KSR2: variants seen among roughly 807,000 people sequenced by gnomAD.
KSR2 encodes kinase suppressor of ras 2.
Under a neutral mutation model 107.8 loss-of-function variants are expected in KSR2, and 25 were observed. The ratio of observed to expected loss-of-function variants is 0.23; its 90% CI spans 0.17 to 0.32. The LOEUF is 0.32. Ranked by LOEUF, KSR2 falls within the 10% of genes least tolerant of loss-of-function variation. KSR2 has a pLI of 1.00. For missense variants in KSR2, 887 were observed against 1,268.9 expected (o/e 0.70, Z 4.57); for synonymous variants, 480 against 507.0 (o/e 0.95, Z 0.71).
intron 1 of KSR2, among the ~76,000 whole-genome samples, chr12:117,916,636 C>A (rs1009722920): frequency 2.6e-5 from 4 of 152,086 alleles, no homozygotes; most frequent in Non-Finnish European, 5.9e-5. Context: ...ACATTTAATA[C>A]TTGGTTCTAA....
chr12:117,792,362 G>A (rs916009448), intron 3 of KSR2, among the ~76,000 whole-genome samples: 1 of 142,634 alleles, frequency 7.0e-6, no homozygotes, highest in Admixed American at 6.9e-5. Flanking sequence ...AAAAAAAAAA[G>A]AAGAAGAAGA....
chr12:117,852,433 T>A (rs12581772), intron 3 of KSR2, among the ~76,000 whole-genome samples: 60,990 of 150,678 alleles, frequency 0.4, 12,695 homozygotes, highest in Middle Eastern at 0.52. Context: ...TGTCTCAAAA[T>A]AAATAAATAA....
At chr12:117,638,745 G>T (rs950283990) in intron 5 of KSR2, among the ~76,000 whole-genome samples, 1 of 152,010 alleles carries the variant, frequency 6.6e-6, no homozygotes, top group Non-Finnish European at 1.5e-5. Flanking sequence ...TGTGATATTC[G>T]ATTTCTCAAG....
chr12:117,656,168 T>C (rs753278100), intron 5 of KSR2, among the ~76,000 whole-genome samples: 17 of 152,260 alleles, frequency 1.1e-4, no homozygotes, highest in Non-Finnish European at 1.8e-4. Flanking sequence ...TGTGTACGTA[T>C]ACCCTTGTAC....
intron 4 of KSR2, among the ~76,000 whole-genome samples, chr12:117,730,865 C>T (rs1237081552): frequency 6.6e-6 from 1 of 152,198 alleles, no homozygotes; most frequent in Admixed American, 6.5e-5. Context: ...CTACAACCTC[C>T]ACCTCCCAGC....
intron 4 of KSR2, among the ~76,000 whole-genome samples, chr12:117,729,487 C>T (rs1376940904): frequency 6.6e-6 from 1 of 152,112 alleles, no homozygotes; most frequent in Non-Finnish European, 1.5e-5. Flanking sequence ...CATTACTCTG[C>T]CTGGCAGGAT....
chr12:117,640,982 CT>C (rs1172305993), intron 5 of KSR2, among the ~76,000 whole-genome samples: 35 of 151,824 alleles, frequency 2.3e-4, no homozygotes, highest in Non-Finnish European at 3.4e-4. Flanking sequence ...AGACATGCCC[CT>C]GATAGACACT....
chr12:117,645,821 C>T (rs1883593508), intron 5 of KSR2, among the ~76,000 whole-genome samples: 4 of 151,758 alleles, frequency 2.6e-5, no homozygotes, highest in Non-Finnish European at 4.4e-5. Flanking sequence ...ATTCCGAATA[C>T]AGCACTGAAA....
In KSR2 at chr12:117,761,198, T is replaced by C; in HGVS notation, c.799A>G (p.Ile267Val). The stretch of plus-strand genomic sequence containing the variant: ...CCCGGCGGGGTCACGGTGGTGACGA[T>C]GTTGGGGGTGCGCGGCGGGGTGCGG... ...AVRTPPRTPN[I>V]VTTVTPPGTP... Residue 267 changes from isoleucine to valine, a missense_variant, in exon 4 of 20, where the codon ATC becomes GTC. Coordinates refer to ENST00000339824, the MANE Select transcript of KSR2 (RefSeq NM_173598.6). The C allele has an allele frequency of 3.8e-6, 6 of 1,582,794 alleles. No homozygotes were observed. Among genetic ancestry groups the C allele is most frequent in the Non-Finnish European group, 5.2e-6 (6 of 1,163,486 alleles).
At chr12:117,697,106 G>A (rs1886096142) in intron 4 of KSR2, among the ~76,000 whole-genome samples, 1 of 152,174 alleles carries the variant, frequency 6.6e-6, no homozygotes, top group African/African-American at 2.4e-5. Context: ...ACCCAGCACA[G>A]AGAACAAACG....
chr12:117,605,286 G>A (rs1159223421), intron 5 of KSR2, among the ~76,000 whole-genome samples: 1 of 152,182 alleles, frequency 6.6e-6, no homozygotes, highest in Non-Finnish European at 1.5e-5. Flanking sequence ...AGGCTCTTAG[G>A]TTCATTAAGG....
chr12:117,476,503 T>C lies in KSR2; in HGVS notation c.2543A>G (p.Lys848Arg), dbSNP rs746865684. The change falls in exon 17 of 20, where the codon AAG becomes AGG. Residue 848 changes from lysine to arginine, a missense_variant. Coordinates refer to ENST00000339824, the MANE Select transcript of KSR2 (RefSeq NM_173598.6). ...GTCAGAGTGCTTGGAGAAGGGGAGCTTATCCTCCTCTGTGTCGGGGGACAG... is the reference window on the plus strand; with the variant it reads ...GTCAGAGTGCTTGGAGAAGGGGAGCCTATCCTCCTCTGTGTCGGGGGACAG... ...RQLSPDTEED[K>R]LPFSKHSDVF... The C allele has an allele frequency of 3.7e-6, 6 of 1,607,114 alleles. No individual in the cohort carries two copies. The African/African-American group carries it at 8.0e-5, about 21-fold the overall frequency.
intron 9 of KSR2, among the ~76,000 whole-genome samples, chr12:117,549,154 G>A (rs921228087): frequency 6.6e-6 from 1 of 152,170 alleles, no homozygotes; most frequent in African/African-American, 2.4e-5. Flanking sequence ...TTATCTAATG[G>A]TAATTGCATT....
At chr12:117,845,720 A>C (rs1892679827) in intron 3 of KSR2, among the ~76,000 whole-genome samples, 1 of 148,326 alleles carries the variant, frequency 6.7e-6, no homozygotes, top group Admixed American at 6.7e-5. Context: ...TCGCTCTATC[A>C]CTCAGGCCAA....
intron 14 of KSR2, among the ~76,000 whole-genome samples, chr12:117,508,561 T>G (rs921259844): frequency 1.3e-5 from 2 of 151,956 alleles, no homozygotes; most frequent in Non-Finnish European, 2.9e-5. Context: ...GGTAGGTGGA[T>G]AGCTGGGTGT....
chr12:117,930,148 C>T (rs376700093), intron 1 of KSR2, among the ~76,000 whole-genome samples: 1 of 152,244 alleles, frequency 6.6e-6, no homozygotes, highest in East Asian at 1.9e-4. Flanking sequence ...ATTCTTGTGC[C>T]TCAGCCTCCC....
intron 5 of KSR2, among the ~76,000 whole-genome samples, chr12:117,621,211 A>G (rs920690211): frequency 4.2e-4 from 64 of 152,110 alleles, no homozygotes; most frequent in African/African-American, 1.5e-3. Context: ...GCTCTCTCTT[A>G]CCTGCCACCA....
chr12:117,672,503 G>A (rs1396475582), intron 4 of KSR2, among the ~76,000 whole-genome samples: 1 of 152,144 alleles, frequency 6.6e-6, no homozygotes, highest in Admixed American at 6.5e-5. Context: ...GAGGGTTCAG[G>A]TGATGTCACC....
chr12:117,942,016 A>G (rs1896025907), intron 1 of KSR2, among the ~76,000 whole-genome samples: 1 of 152,042 alleles, frequency 6.6e-6, no homozygotes, highest in Admixed American at 6.6e-5. Context: ...TAGATGAACA[A>G]AAGTCTTACA....
Sources: allele counts gnomAD v4.1 joint callset (sites outside exome capture counted in the v4.1 genomes callset), GRCh38; gene constraint gnomAD v4.1.1; transcripts MANE v1.5; gene names NCBI Gene and HGNC (gene_info 2026-07-23, HGNC 2026-07-21).